The following PTPRN2 variants were observed in gnomAD, a reference collection of about 807,000 sequenced individuals.
PTPRN2 encodes the protein protein tyrosine phosphatase receptor type N2, also known as receptor-type tyrosine-protein phosphatase N2.
Under a neutral mutation model 118.8 loss-of-function variants are expected in PTPRN2, and 74 were observed. The observed-to-expected ratio is 0.62, with a 90% CI of 0.52 to 0.76. PTPRN2 has a LOEUF of 0.76. PTPRN2 is among the 30% of genes least tolerant of loss of function. The pLI is 0.00. For missense variants in PTPRN2, 1,481 were observed against 1,394.4 expected (o/e 1.06, Z -0.99); for synonymous variants, 641 against 608.0 (o/e 1.05, Z -0.80).
At position 158,538,446 on chromosome 7, in the gene PTPRN2, A is replaced by G. The variant is rs368509312; in HGVS notation, c.113-48661T>C. 6.6e-5 allele frequency among the ~76,000 whole-genome samples: 10 copies of G among 152,152 alleles called. No individual in the cohort carries two copies. In the East Asian group the frequency reaches 1.5e-3, roughly 24 times the overall value. Reference sequence around the variant, plus strand: ...TCTACTTGCTGCTTCTGTCCCTGTTACCACCAAGGCTATGGCTGCAAGTTT... The same window carrying G: ...TCTACTTGCTGCTTCTGTCCCTGTTGCCACCAAGGCTATGGCTGCAAGTTT... On this transcript the variant is annotated intron_variant, in intron 1 of 22. Coordinates refer to ENST00000389418, the MANE Select transcript of PTPRN2 (RefSeq NM_002847.5).
chr7:157,835,707 T>C (rs922265367), intron 12 of PTPRN2, among the ~76,000 whole-genome samples: 1 of 152,166 alleles, frequency 6.6e-6, no homozygotes, highest in Non-Finnish European at 1.5e-5. Context: ...CAATGGCTTA[T>C]TCAAGAAACT....
intron 11 of PTPRN2, among the ~76,000 whole-genome samples, chr7:157,919,169 C>T (rs6950771): frequency 0.78 from 119,058 of 152,064 alleles, 46,972 homozygotes; most frequent in African/African-American, 0.86. Flanking sequence ...AGAATGGAAC[C>T]GATCAGATAT....
At chr7:158,441,351 G>GATA (rs1378873225) in intron 2 of PTPRN2, among the ~76,000 whole-genome samples, 9 of 148,850 alleles carry the variant, frequency 6.0e-5, no homozygotes, top group African/African-American at 2.5e-5. Flanking sequence ...CAGTGATGGT[G>GATA]GTGATGGTGA....
At chr7:157,621,729 T>C (rs1803264289) in intron 14 of PTPRN2, among the ~76,000 whole-genome samples, 1 of 152,188 alleles carries the variant, frequency 6.6e-6, no homozygotes, top group Non-Finnish European at 1.5e-5. Context: ...ATTTTACATA[T>C]GTAAATATAA....
chr7:157,982,743 G>A (rs200992343), intron 11 of PTPRN2, among the ~76,000 whole-genome samples: 17 of 71,624 alleles, frequency 2.4e-4, no homozygotes, highest in Non-Finnish European at 3.9e-4. Context: ...ACAGAGACGA[G>A]GAGGGGAATG....
chr7:157,975,745 G>A (rs1389820303), intron 11 of PTPRN2, among the ~76,000 whole-genome samples: 1 of 151,392 alleles, frequency 6.6e-6, no homozygotes, highest in East Asian at 1.9e-4. Context: ...TCTTTTCCAT[G>A]TGAATTTACC....
In PTPRN2 at chr7:158,263,860, C is replaced by T. The variant is rs543375819; in HGVS notation, c.277+52959G>A. Reference sequence around the variant, plus strand: ...GTGAAAGCAAGGCTGCAATGACGGCCGAGCCAGAGAGCAGCACCTCCCTAG... The same window carrying T: ...GTGAAAGCAAGGCTGCAATGACGGCTGAGCCAGAGAGCAGCACCTCCCTAG... On this transcript the variant is annotated intron_variant, in intron 3 of 22. Transcript: ENST00000389418. Among the ~76,000 whole-genome samples the T allele has an allele frequency of 2.0e-4, 30 of 152,298 alleles. No homozygotes were observed. The South Asian group carries it at 3.7e-3, about 19-fold the overall frequency.
intron 11 of PTPRN2, among the ~76,000 whole-genome samples, chr7:157,982,153 G>A (rs12112613): frequency 0.33 from 36,808 of 112,016 alleles, 8,329 homozygotes; most frequent in African/African-American, 0.62. Context: ...CATAAACCCC[G>A]AGTCACAGAG....
In PTPRN2 at chr7:158,327,130, TAC is replaced by T. The variant is rs1409974931; in HGVS notation, c.164-10200_164-10199del. On this transcript the variant is annotated intron_variant, in intron 2 of 22. Coordinates refer to ENST00000389418, the MANE Select transcript of PTPRN2 (RefSeq NM_002847.5). ...GCACATTCTCACACAAGCACACACA[TAC>T]ACACTCATATCCACACACGTGCACA... Among the ~76,000 whole-genome samples the T allele has an allele frequency of 8.2e-4, 51 of 62,394 alleles. 1 individual carries two copies. Among genetic ancestry groups the T allele is most frequent in the Admixed American group, 7.1e-3 (37 of 5,182 alleles). The allele number at this position is 62,394 out of a possible 152,430, so 40.9% of individuals were successfully genotyped here. A position where few individuals can be genotyped will look rare whatever the true frequency, so the allele number is the denominator to read the frequency against.
At chr7:157,969,212 C>T (rs1233047921) in intron 11 of PTPRN2, among the ~76,000 whole-genome samples, 5 of 152,160 alleles carry the variant, frequency 3.3e-5, no homozygotes, top group Admixed American at 2.0e-4. Context: ...CAGGCTAAAG[C>T]GATCTGCCTG....
intron 12 of PTPRN2, among the ~76,000 whole-genome samples, chr7:157,816,157 G>A (rs1420071415): frequency 6.6e-6 from 1 of 152,174 alleles, no homozygotes; most frequent in African/African-American, 2.4e-5. Context: ...ATGAATTGCA[G>A]CCCAGAGACC....
intron 3 of PTPRN2, among the ~76,000 whole-genome samples, chr7:158,217,181 T>C (rs1828012740): frequency 6.6e-6 from 1 of 152,134 alleles, no homozygotes; most frequent in Non-Finnish European, 1.5e-5. Context: ...CAACCACCAA[T>C]GGGGCAGTTT....
chr7:158,071,696 T>TGGTGGTGGAGGTGCTC (rs1563392933), intron 11 of PTPRN2, among the ~76,000 whole-genome samples: 4 of 40,974 alleles, frequency 9.8e-5, no homozygotes, highest in African/African-American at 2.3e-4. Context: ...TGGAGGTGCT[T>TGGTGGTGGAGGTGCTC]GTGGTGGAGG....
intron 22 of PTPRN2, among the ~76,000 whole-genome samples, chr7:157,547,288 C>T (rs926778042): frequency 2.0e-5 from 3 of 152,192 alleles, no homozygotes; most frequent in East Asian, 1.9e-4. Flanking sequence ...CTGAAGCTCA[C>T]GGGATGCAGG....
rs1802271651 is a variant in PTPRN2 at position 157,610,591 on chromosome 7, G to A, written c.2345-6516C>T. On this transcript the variant is annotated intron_variant, in intron 15 of 22. Coordinates refer to ENST00000389418, the MANE Select transcript of PTPRN2 (RefSeq NM_002847.5). This position sits in a 1 kb window ranked among gnomAD's most constrained non-coding sequence, Gnocchi z 5.1. ...GGGCTGCTGGCCGTCAGCAAGGGCC[G>A]TCAGTGCTGCTTAGGGATCCCAGCG... Among the ~76,000 whole-genome samples, 1 of 152,220 alleles carries A rather than the reference G, an allele frequency of 6.6e-6. No individual in the cohort carries two copies. The highest frequency in any genetic ancestry group is 2.1e-4 in the South Asian group (1 of 4,834).
At chr7:158,173,698 C>A (rs1823920798) in intron 5 of PTPRN2, among the ~76,000 whole-genome samples, 1 of 152,194 alleles carries the variant, frequency 6.6e-6, no homozygotes, top group African/African-American at 2.4e-5. Flanking sequence ...CTCTTATCTT[C>A]AACTGCATAA....
chr7:158,235,954 A>G (rs953403514), intron 3 of PTPRN2, among the ~76,000 whole-genome samples: 3 of 152,128 alleles, frequency 2.0e-5, no homozygotes, highest in Non-Finnish European at 2.9e-5. Flanking sequence ...CGGTGTGACC[A>G]CACCTCCCAA....
At position 158,546,900 on chromosome 7, in the gene PTPRN2, T is replaced by C. The variant is rs896025995; in HGVS notation, c.112+40658A>G. Reference sequence around the variant, plus strand: ...TTCATCTCACGCATGCTGGGCAGCCTGGGCACCTGGGGCAGGGCTGGGGGA... The same window carrying C: ...TTCATCTCACGCATGCTGGGCAGCCCGGGCACCTGGGGCAGGGCTGGGGGA... On this transcript the variant is annotated intron_variant, in intron 1 of 22. Transcript: ENST00000389418. The surrounding 1 kb of genome is among the most constrained non-coding windows in gnomAD (Gnocchi z 5.0). Among the ~76,000 whole-genome samples the C allele has an allele frequency of 7.2e-5, 11 of 152,156 alleles. No homozygotes were observed. The highest frequency in any genetic ancestry group is 1.2e-4 in the Non-Finnish European group (8 of 68,010).
chr7:158,424,564 C>T (rs1292057583), intron 2 of PTPRN2, among the ~76,000 whole-genome samples: 1 of 152,230 alleles, frequency 6.6e-6, no homozygotes, highest in Non-Finnish European at 1.5e-5. Flanking sequence ...TATGTGTGTA[C>T]GGAACAGGCT....
Sources: allele counts gnomAD v4.1 joint callset (sites outside exome capture counted in the v4.1 genomes callset), GRCh38; gene constraint gnomAD v4.1.1; non-coding constraint Gnocchi (gnomAD v3.1); transcripts MANE v1.5; gene names NCBI Gene and HGNC (gene_info 2026-07-23, HGNC 2026-07-21).